The following SAMSN1 variants were observed in gnomAD, a reference collection of about 807,000 sequenced individuals.
The protein encoded by SAMSN1 is SAM domain, SH3 domain and nuclear localization signals 1, also known as SAM domain-containing protein SAMSN-1.
Under a neutral mutation model 42.0 loss-of-function variants are expected in SAMSN1, and 31 were observed. That is an observed-to-expected ratio of 0.74 (90% confidence interval 0.55 to 1.00). The LOEUF (loss-of-function observed/expected upper bound fraction) is 1.00, where lower values mean the gene tolerates loss of function less well. Ranked by LOEUF, SAMSN1 falls within the 50% of genes least tolerant of loss-of-function variation. SAMSN1 has a pLI of 0.00. For synonymous variants in SAMSN1, 178 were observed against 151.9 expected (o/e 1.17, Z -1.26); for missense variants, 464 against 439.4 (o/e 1.06, Z -0.50).
At chr21:14,504,051 G>T (rs558895311) in intron 5 of SAMSN1, among the ~76,000 whole-genome samples, 1 of 152,242 alleles carries the variant, frequency 6.6e-6, no homozygotes, top group African/African-American at 2.4e-5. Context: ...ATAGGAAGAG[G>T]GGGAGAGTAC....
At chr21:14,640,276 A>G (rs1218290705) in intron 2 of SAMSN1, among the ~76,000 whole-genome samples, 1 of 152,114 alleles carries the variant, frequency 6.6e-6, no homozygotes. Flanking sequence ...TATTTTTATT[A>G]TGGGCTATAG....
chr21:14,499,337 A>G (rs959629180), intron 6 of SAMSN1, among the ~76,000 whole-genome samples: 2 of 152,142 alleles, frequency 1.3e-5, no homozygotes, highest in Non-Finnish European at 2.9e-5. Flanking sequence ...AAATAAAAAT[A>G]TTAAGTGAAG....
chr21:14,520,659 A>C lies in SAMSN1; in HGVS notation c.129+491T>G, dbSNP rs73173233. Among the ~76,000 whole-genome samples, 470 of 152,204 alleles carry C rather than the reference A, an allele frequency of 3.1e-3. 2 individuals carry two copies. Among genetic ancestry groups the C allele is most frequent in the Middle Eastern group, 0.014 (4 of 294 alleles). On this transcript the variant is annotated intron_variant, in intron 2 of 7. Transcript: ENST00000400566. ...CCTAAAACAGCTTGAAGGCTGAAAAACCAGACTGATGATCCTGGATGAAGC... is the reference window on the plus strand; with the variant it reads ...CCTAAAACAGCTTGAAGGCTGAAAACCCAGACTGATGATCCTGGATGAAGC...
intron 2 of SAMSN1, among the ~76,000 whole-genome samples, chr21:14,568,987 C>A (rs1981203554): frequency 6.6e-6 from 1 of 151,984 alleles, no homozygotes; most frequent in Non-Finnish European, 1.5e-5. Flanking sequence ...TCCTGAAAGT[C>A]CAGCATTAAA....
At chr21:14,494,603 T>C (rs998456370) in intron 7 of SAMSN1, among the ~76,000 whole-genome samples, 3 of 151,792 alleles carry the variant, frequency 2.0e-5, no homozygotes, top group Admixed American at 2.0e-4. Context: ...AAATACCTAA[T>C]GTAGATGAAG....
intron 1 of SAMSN1, among the ~76,000 whole-genome samples, chr21:14,647,806 A>G (rs1983747474): frequency 7.1e-6 from 1 of 141,460 alleles, no homozygotes; most frequent in East Asian, 2.1e-4. Flanking sequence ...TTGGTGTATA[A>G]GAATGCTTGT....
rs1412156087 is a variant in SAMSN1 at position 14,532,935 on chromosome 21, G to T, written c.58-11714C>A. On this transcript the variant is annotated intron_variant, in intron 1 of 7. Coordinates refer to ENST00000400566, the MANE Select transcript of SAMSN1 (RefSeq NM_022136.5). Reference sequence around the variant, plus strand: ...TTATTTATTTATTTATTGAGACAGGGTCTCTTGCTCCAGGGTTGCCAAGAC... The same window carrying T: ...TTATTTATTTATTTATTGAGACAGGTTCTCTTGCTCCAGGGTTGCCAAGAC... 4.6e-5 allele frequency among the ~76,000 whole-genome samples: 7 copies of T among 151,774 alleles called. No homozygotes were observed. The South Asian group carries it at 1.2e-3, about 27-fold the overall frequency.
chr21:14,528,653 A>G (rs1568789465), intron 1 of SAMSN1, among the ~76,000 whole-genome samples: 1 of 152,184 alleles, frequency 6.6e-6, no homozygotes, highest in Middle Eastern at 3.2e-3. Context: ...ACATATGTCC[A>G]ATTATTTCTC....
At chr21:14,585,850 T>C (rs1279889795), upstream of SAMSN1, among the ~76,000 whole-genome samples, 4 of 152,216 alleles carry the variant, frequency 2.6e-5, no homozygotes, top group African/African-American at 9.6e-5. Context: ...TAGCAAATTA[T>C]TTCTGGACAA....
At chr21:14,624,800 C>T (rs1022880980) in intron 2 of SAMSN1, among the ~76,000 whole-genome samples, 3 of 152,116 alleles carry the variant, frequency 2.0e-5, no homozygotes, top group African/African-American at 7.2e-5. Context: ...ATCCTGATAC[C>T]AAAGCCGGGA....
At position 14,512,547 on chromosome 21, in the gene SAMSN1, G is replaced by A; in HGVS notation, c.306C>T (p.His102=). Residue 102 remains histidine (H), a synonymous_variant, in exon 4 of 8, where the codon CAC becomes CAT. Transcript: ENST00000400566. ...TCACAGGGTCACTGTTTCTATATGGGTGGGCATTCTCTCCATCTTCCTCAT... is the reference window on the plus strand; with the variant it reads ...TCACAGGGTCACTGTTTCTATATGGATGGGCATTCTCTCCATCTTCCTCAT... ...EKDEEDGENA[H]PYRNSDPVIG... 1.2e-6 allele frequency: 2 copies of A among 1,613,868 alleles called. No homozygotes were observed. Among genetic ancestry groups the A allele is most frequent in the Non-Finnish European group, 1.7e-6 (2 of 1,179,814 alleles).
chr21:14,644,873 G>T (rs577218808), intron 1 of SAMSN1, among the ~76,000 whole-genome samples: 1 of 152,228 alleles, frequency 6.6e-6, no homozygotes, highest in South Asian at 2.1e-4. Context: ...GAGCATCTGT[G>T]GTAGTCTAGC....
At chr21:14,489,033 A>G (rs534128420) in intron 7 of SAMSN1, among the ~76,000 whole-genome samples, 1 of 152,298 alleles carries the variant, frequency 6.6e-6, no homozygotes, top group Admixed American at 6.5e-5. Context: ...ATTGGCACAA[A>G]CCTAGGTCTT....
intron 2 of SAMSN1, among the ~76,000 whole-genome samples, chr21:14,579,013 C>A (rs1486191332): frequency 2.6e-5 from 4 of 152,028 alleles, no homozygotes; most frequent in African/African-American, 9.7e-5. Flanking sequence ...AATAACCCTG[C>A]AATTACTATT....
chr21:14,538,983 C>G lies in SAMSN1; in HGVS notation c.57+7222G>C, dbSNP rs550627499. 2.0e-5 allele frequency among the ~76,000 whole-genome samples: 3 copies of G among 152,300 alleles called. No individual in the cohort carries two copies. The South Asian group carries it at 6.2e-4, about 32-fold the overall frequency. ...TTATTAACACGGATCATTAATCCCTCTCAAGTAAAGGCCAAGATGTTCTAA... is the reference window on the plus strand; with the variant it reads ...TTATTAACACGGATCATTAATCCCTGTCAAGTAAAGGCCAAGATGTTCTAA... On this transcript the variant is annotated intron_variant, in intron 1 of 7. Transcript: ENST00000400566.
intron 1 of SAMSN1, among the ~76,000 whole-genome samples, chr21:14,657,317 T>C (rs1983932569): frequency 6.6e-6 from 1 of 151,838 alleles, no homozygotes; most frequent in African/African-American, 2.4e-5. Flanking sequence ...TCTGAACAAG[T>C]AACTTCTTAA....
At chr21:14,517,552 A>G (rs2123017975) in intron 2 of SAMSN1, among the ~76,000 whole-genome samples, 1 of 152,290 alleles carries the variant, frequency 6.6e-6, no homozygotes, top group African/African-American at 2.4e-5. Context: ...AAATCCACTG[A>G]GAAATGTTAG....
Position 14,589,850 on chromosome 21 carries a change from G to C in SAMSN1, c.465+4163C>G, listed in dbSNP as rs1051198608. On this transcript the variant is annotated intron_variant, in intron 7 of 15. Transcript: ENST00000647101. ...TGATTTGGAAAAATTTTCCTCTCTAGTGTCATATTTAACAAATATTCAAAT... is the reference window on the plus strand; with the variant it reads ...TGATTTGGAAAAATTTTCCTCTCTACTGTCATATTTAACAAATATTCAAAT... Among the ~76,000 whole-genome samples, 8 of 152,228 alleles carry C rather than the reference G, an allele frequency of 5.3e-5. No homozygotes were observed. In the East Asian group the frequency reaches 1.2e-3, roughly 22 times the overall value.
chr21:14,504,140 T>C (rs1338381287), intron 5 of SAMSN1, among the ~76,000 whole-genome samples: 1 of 151,994 alleles, frequency 6.6e-6, no homozygotes, highest in Admixed American at 6.6e-5. Context: ...TGACAGAAAC[T>C]ACCCAAATGA....
Sources: allele counts gnomAD v4.1 joint callset (sites outside exome capture counted in the v4.1 genomes callset), GRCh38; gene constraint gnomAD v4.1.1; transcripts MANE v1.5; gene names NCBI Gene and HGNC (gene_info 2026-07-23, HGNC 2026-07-21).